FBXL19: variants seen among roughly 807,000 people sequenced by gnomAD.
FBXL19 encodes the protein F-box/LRR-repeat protein 19.
FBXL19 carries 16 observed loss-of-function variants against 71.2 expected under a neutral mutation model. The ratio of observed to expected loss-of-function variants is 0.22; its 90% CI spans 0.15 to 0.34. The LOEUF is 0.34. FBXL19 is among the 10% of genes least tolerant of loss of function. The probability of loss-of-function intolerance (pLI) is 1.00; values close to 1 mark genes in which losing one functional copy is unlikely to be tolerated. For synonymous variants in FBXL19, 447 were observed against 409.4 expected, an observed-to-expected ratio of 1.09 and a Z score of -1.11; for missense variants, 658 against 968.2, an observed-to-expected ratio of 0.68 and a Z score of 4.25.
intron 7 of FBXL19, among the ~76,000 whole-genome samples, chr16:30,933,954 T>C (rs1361242431): frequency 2.0e-5 from 3 of 151,922 alleles, no homozygotes; most frequent in African/African-American, 7.2e-5. Context: ...GGTTTCTCCA[T>C]GTTGGTCAGG....
chr16:30,943,565 G>C (rs1377130512), intron 9 of FBXL19, among the ~76,000 whole-genome samples: 3 of 151,632 alleles, frequency 2.0e-5, no homozygotes, highest in Non-Finnish European at 4.4e-5. Context: ...TAGTAGAGAC[G>C]GGGTTTCACT....
intron 7 of FBXL19, among the ~76,000 whole-genome samples, chr16:30,940,422 G>GAAA (rs767802078): frequency 2.4e-5 from 3 of 124,322 alleles, no homozygotes; most frequent in African/African-American, 8.9e-5. Context: ...ACTGTCTCAA[G>GAAA]AAAAAAAAAA....
intron 7 of FBXL19, among the ~76,000 whole-genome samples, chr16:30,934,594 G>T (rs1050130107): frequency 1.3e-5 from 2 of 152,020 alleles, no homozygotes; most frequent in African/African-American, 4.8e-5. Flanking sequence ...GGAGGCGGAG[G>T]TTGCAGTGAG....
chr16:30,933,735 GC>G (rs1362826621), intron 7 of FBXL19, among the ~76,000 whole-genome samples: 1 of 151,522 alleles, frequency 6.6e-6, no homozygotes, highest in Non-Finnish European at 1.5e-5. Flanking sequence ...ACAGGTGTGA[GC>G]CACTGCGCCC....
chr16:30,946,996 C>A lies in FBXL19; in HGVS notation c.1846+48C>A. On this transcript the variant is annotated intron_variant, in intron 10 of 10. Coordinates refer to ENST00000338343, the MANE Select transcript of FBXL19 (RefSeq NM_001382779.1). This position sits in a 1 kb window ranked among gnomAD's most constrained non-coding sequence, Gnocchi z 6.7. ...CCTGCCAGCCTGTGGATCCCCACGG[C>A]CAGTGCCAACCCCTTGCTCACCTGC... 1 of 1,577,502 alleles carries A rather than the reference C, an allele frequency of 6.3e-7. No individual in the cohort carries two copies. Among genetic ancestry groups the A allele is most frequent in the South Asian group, 1.2e-5 (1 of 86,912 alleles).
In FBXL19 at chr16:30,924,189, G is replaced by C. The variant is rs530287210; in HGVS notation, c.-295G>C. ...CAAGGAGCCCCCGTTGGCCTGGGGG[G>C]GCTGAGGGACTGAGCCTCCCAGAGC... On this transcript the variant is annotated 5_prime_UTR_variant, in exon 1 of 11. Coordinates refer to ENST00000338343, the MANE Select transcript of FBXL19 (RefSeq NM_001382779.1). 6 of 152,306 alleles carry C rather than the reference G, an allele frequency of 3.9e-5. No individual in the cohort carries two copies. Among genetic ancestry groups the C allele is most frequent in the South Asian group, 2.1e-4 (1 of 4,836 alleles). 9.4% of individuals were successfully genotyped at this position (152,306 alleles called of 1,614,324 possible).
Position 30,946,801 on chromosome 16 carries a change from G to C in FBXL19, c.1699G>C (p.Ala567Pro). ...TCTGGCAGGTTTGGAGCTGACAGAT[G>C]CCTCCCTGCGTCTCCTGCTGCGTCA... ...LRLAGLELTD[A>P]SLRLLLRHAP... The change falls in exon 10 of 11, where the codon GCC becomes CCC. Residue 567 changes from alanine to proline, a missense_variant. Transcript: ENST00000338343. The surrounding 1 kb of genome is among the most constrained non-coding windows in gnomAD (Gnocchi z 6.7). The C allele has an allele frequency of 6.2e-7, 1 of 1,613,270 alleles. No individual in the cohort carries two copies.
intron 7 of FBXL19, among the ~76,000 whole-genome samples, chr16:30,936,488 C>G (rs1255578624): frequency 6.7e-6 from 1 of 150,260 alleles, no homozygotes; most frequent in East Asian, 2.0e-4. Context: ...AGGCTGGCGA[C>G]AATCTCGGCT....
In FBXL19 at chr16:30,928,559, C is replaced by T. The variant is rs1248419971; in HGVS notation, c.720C>T (p.Pro240=). Reference sequence around the variant, plus strand: ...ACCCAGGCGGCCCGGGCCTGCTGCCCCCCAGGGTTCTGAATCCGAGCCAGG... The same window carrying T: ...ACCCAGGCGGCCCGGGCCTGCTGCCTCCCAGGGTTCTGAATCCGAGCCAGG... The part of the protein sequence containing the change: ...GSDPGGPGLL[P]PRVLNPSQAF... Residue 240 remains proline (P), a synonymous_variant, in exon 6 of 11, where the codon CCC becomes CCT. Transcript: ENST00000338343. 1.2e-6 allele frequency: 2 copies of T among 1,608,098 alleles called. No homozygotes were observed. Among genetic ancestry groups the T allele is most frequent in the African/African-American group, 1.3e-5 (1 of 74,562 alleles).
intron 7 of FBXL19, among the ~76,000 whole-genome samples, chr16:30,936,537 T>C (rs962345124): frequency 2.0e-5 from 3 of 150,408 alleles, no homozygotes; most frequent in African/African-American, 7.3e-5. Flanking sequence ...GCCATTCTCC[T>C]GCCTCAGCCT....
intron 9 of FBXL19, among the ~76,000 whole-genome samples, chr16:30,944,169 C>CTTTTTTT (rs761103868): frequency 9.5e-5 from 6 of 62,934 alleles, no homozygotes; most frequent in East Asian, 4.3e-4. Flanking sequence ...GAAGGTGGGC[C>CTTTTTTT]TTTTTTTTTT....
intron 7 of FBXL19, among the ~76,000 whole-genome samples, chr16:30,940,854 G>C (rs1183033438): frequency 6.6e-6 from 1 of 152,020 alleles, no homozygotes; most frequent in Non-Finnish European, 1.5e-5. Flanking sequence ...TTTTAGTAGA[G>C]ACAGGGTTTC....
intron 9 of FBXL19, among the ~76,000 whole-genome samples, chr16:30,943,476 G>A (rs1329002327): frequency 5.6e-5 from 8 of 143,264 alleles, no homozygotes; most frequent in Admixed American, 1.5e-4. Flanking sequence ...CCGGGTTCAC[G>A]CCATTCTCCT....
intron 1 of FBXL19, 164 bp downstream of exon 1, chr16:30,924,623 T>A: frequency 1.5e-6 from 2 of 1,371,474 alleles, no homozygotes; most frequent in Non-Finnish European, 1.9e-6. Flanking sequence ...CCTGGGGAAC[T>A]GGCCCTCCTT....
At position 30,930,441 on chromosome 16, in the gene FBXL19, T is replaced by G; in HGVS notation, c.1158T>G (p.Pro386=). Residue 386 remains proline (P), a synonymous_variant, in exon 7 of 11, where the codon CCT becomes CCG. Coordinates refer to ENST00000338343, the MANE Select transcript of FBXL19 (RefSeq NM_001382779.1). This position sits in a 1 kb window ranked among gnomAD's most constrained non-coding sequence, Gnocchi z 8.5. ...QLERHVVRPP[P]RSPEPDTLPL... is the part of the protein sequence containing the mutation. ...AGCGGCACGTGGTGCGGCCCCCGCCTCGAAGCCCTGAGCCCGACACACTCC... is the reference window on the plus strand; with the variant it reads ...AGCGGCACGTGGTGCGGCCCCCGCCGCGAAGCCCTGAGCCCGACACACTCC... 1 of 1,532,106 alleles carries G rather than the reference T, an allele frequency of 6.5e-7. No homozygotes were observed. The allele number at this position is 1,532,106 out of a possible 1,614,324, so 94.9% of individuals were successfully genotyped here. A position where few individuals can be genotyped will look rare whatever the true frequency, so the allele number is the denominator to read the frequency against.
intron 7 of FBXL19, among the ~76,000 whole-genome samples, chr16:30,938,500 T>G (rs79820850): frequency 0.01 from 1,577 of 152,198 alleles, 41 homozygotes; most frequent in African/African-American, 0.036. Flanking sequence ...TGAGACTTTG[T>G]CTGAAAAAAA....
chr16:30,929,598 G>A (rs924542902), intron 6 of FBXL19, among the ~76,000 whole-genome samples: 5 of 152,082 alleles, frequency 3.3e-5, no homozygotes, highest in East Asian at 1.9e-4. Flanking sequence ...TCGCTCTGTC[G>A]CCCGTACTGG....
intron 9 of FBXL19, among the ~76,000 whole-genome samples, chr16:30,945,829 G>C (rs1375822093): frequency 3.2e-5 from 4 of 125,482 alleles, no homozygotes; most frequent in African/African-American, 1.3e-4. Context: ...CTGGGTGACA[G>C]AGCAAGACTC....
chr16:30,922,898 G>T (rs2055538455), upstream of FBXL19: 1 of 382,176 alleles, frequency 2.6e-6, no homozygotes, highest in Admixed American at 2.8e-5. Flanking sequence ...GTGGAAAGCG[G>T]AGACCGGGAG....
Sources: gnomAD v4.1 joint callset for allele counts (sites outside exome capture counted in the v4.1 genomes callset) on GRCh38, gnomAD v4.1.1 for gene constraint, Gnocchi (gnomAD v3.1) non-coding constraint, MANE v1.5 for transcripts, NCBI Gene and HGNC (gene_info 2026-07-23, HGNC 2026-07-21) for gene names.